The following TSLP variants were observed in gnomAD, a reference collection of about 807,000 sequenced individuals.
TSLP encodes thymic stromal lymphopoietin.
TSLP carries 12 observed loss-of-function variants against 12.4 expected under a neutral mutation model. That is an observed-to-expected ratio of 0.97 (90% CI 0.62 to 1.57). TSLP has a LOEUF of 1.57. Ranked by LOEUF, TSLP falls within the 40% of genes most tolerant of loss-of-function variation. The pLI is 0.00. For missense variants in TSLP, 222 were observed against 189.6 expected, an observed-to-expected ratio of 1.17 and a Z score of -1.00; for synonymous variants, 97 against 69.5, an observed-to-expected ratio of 1.40 and a Z score of -1.97.
chr5:111,076,824 A>G lies in TSLP; in HGVS notation c.*750A>G, dbSNP rs1339858812. 2 of 152,210 alleles carry G rather than the reference A, an allele frequency of 1.3e-5. No homozygotes were observed. Among genetic ancestry groups the G allele is most frequent in the African/African-American group, 4.8e-5 (2 of 41,448 alleles). The allele number at this position is 152,210 out of a possible 1,614,324, so 9.4% of individuals were successfully genotyped here. ...TATGAATCATCTCTCAAATCTAGTT[A>G]GACAATTTGCACACATACTTTTCTA... On this transcript the variant is annotated 3_prime_UTR_variant, in exon 4 of 4. Transcript: ENST00000344895.
intron 2 of TSLP, 122 bp from the exon 3 acceptor site, chr5:111,073,389 C>T (rs1001220324): frequency 1.5e-5 from 24 of 1,551,372 alleles, no homozygotes; most frequent in Non-Finnish European, 3.5e-6. Flanking sequence ...CTCTCTGACT[C>T]TCGACTTGTG....
Position 111,073,610 on chromosome 5 carries a change from T to C in TSLP, c.316T>C (p.Leu106=). 1 of 1,614,220 alleles carries C rather than the reference T, an allele frequency of 6.2e-7. No individual in the cohort carries two copies. Among genetic ancestry groups the C allele is most frequent in the South Asian group, 1.1e-5 (1 of 91,086 alleles). ...GTTCGCCATGAAAACTAAGGCTGCC[T>C]TAGCTATCTGGTGCCCAGGCTATTC... ...EMFAMKTKAA[L]AIWCPGYSET... Residue 106 remains leucine, a synonymous_variant, in exon 3 of 4, where the codon TTA becomes CTA. Transcript: ENST00000344895.
At chr5:111,071,404 C>G, upstream of TSLP, 4 of 1,489,072 alleles carry the variant, frequency 2.7e-6, no homozygotes, top group South Asian at 5.4e-5. Flanking sequence ...GGTGTTTCTC[C>G]CAAATAGAAA....
intron 1 of TSLP, among the ~76,000 whole-genome samples, chr5:111,072,288 TAGAC>T (rs1157918033): frequency 3.3e-5 from 5 of 152,194 alleles, no homozygotes; most frequent in South Asian, 2.1e-4. Context: ...CAGGTATTGA[TAGAC>T]AGCGCGTTAT....
chr5:111,073,299 C>A (rs1254781606), intron 2 of TSLP: 3 of 1,421,794 alleles, frequency 2.1e-6, no homozygotes, highest in Admixed American at 3.1e-5. Flanking sequence ...CTTTTCGCGA[C>A]GAGTGCCCTC....
At chr5:111,075,892 A>G in intron 3 of TSLP, 54 bp from the exon 4 acceptor site, 2 of 1,584,104 alleles carry the variant, frequency 1.3e-6, no homozygotes, top group South Asian at 2.3e-5. Context: ...TGCTCTCAAC[A>G]GTTACTAAAG....
At chr5:111,071,398 T>C (rs1035440556), upstream of TSLP, 11 of 1,480,790 alleles carry the variant, frequency 7.4e-6, no homozygotes, top group Middle Eastern at 1.8e-4. Context: ...TCAGAAGGTG[T>C]TTCTCCCAAA....
upstream of TSLP, chr5:111,071,108 A>G (rs958563292): frequency 1.2e-4 from 26 of 222,268 alleles, no homozygotes; most frequent in Non-Finnish European, 1.9e-4. Flanking sequence ...GTTTTTGAGA[A>G]CAAGCCACAT....
chr5:111,071,909 C>G lies in TSLP; in HGVS notation c.19C>G (p.Leu7Val). 1 of 1,614,162 alleles carries G rather than the reference C, an allele frequency of 6.2e-7. No individual in the cohort carries two copies. Among genetic ancestry groups the G allele is most frequent in the Non-Finnish European group, 8.5e-7 (1 of 1,179,988 alleles). MFPFALLYVLSVSFRKI... is the reference protein window; with the variant it reads MFPFALVYVLSVSFRKI... ...TCCACGTATGTTCCCTTTTGCCTTACTATATGTTCTGTCAGTTTCTTTCAG... is the reference window on the plus strand; with the variant it reads ...TCCACGTATGTTCCCTTTTGCCTTAGTATATGTTCTGTCAGTTTCTTTCAG... The change falls in exon 1 of 4, where the codon CTA (leucine) becomes GTA (valine). Residue 7 changes from leucine (L) to valine (V), a missense_variant. Physicochemically the swap from Leu to Val is conservative, Grantham distance 32. Transcript: ENST00000344895.
chr5:111,070,677 C>G (rs1752319449), upstream of TSLP: 1 of 152,348 alleles, frequency 6.6e-6, no homozygotes, highest in Non-Finnish European at 1.5e-5. Context: ...TTTTCTGGAT[C>G]AACAAGAGTT....
Position 111,075,843 on chromosome 5 carries a change from C to A in TSLP, c.352-103C>A. On this transcript the variant is annotated intron_variant, in intron 3 of 3. Transcript: ENST00000344895. Reference sequence around the variant, plus strand: ...ATAGTAAGCAGGTGCTTTGGAGACACACTGAAAGATGGATTTGCATAGAGA... The same window carrying A: ...ATAGTAAGCAGGTGCTTTGGAGACAAACTGAAAGATGGATTTGCATAGAGA... The A allele has an allele frequency of 6.6e-6, 8 of 1,214,876 alleles. No individual in the cohort carries two copies. The South Asian group carries it at 8.6e-5, about 13-fold the overall frequency. The allele number at this position is 1,214,876 out of a possible 1,614,324, so 75.3% of individuals were successfully genotyped here.
chr5:111,071,483 T>A, upstream of TSLP: 1 of 1,547,842 alleles, frequency 6.5e-7, no homozygotes, highest in Non-Finnish European at 8.7e-7. Context: ...CATTCACACT[T>A]ATGAAGTGTT....
Position 111,077,573 on chromosome 5 carries a change from A to G in TSLP, c.*1499A>G, listed in dbSNP as rs960954698. ...TATTGTAAGAGAAATTTCTTTGTCT[A>G]TTAACTCCATTTTAGTAGGGATTCA... is the stretch of plus-strand genomic sequence containing the variant. On this transcript the variant is annotated 3_prime_UTR_variant, in exon 4 of 4. Transcript: ENST00000344895. The G allele has an allele frequency of 6.6e-6, 1 of 152,602 alleles. No individual in the cohort carries two copies. The highest frequency in any genetic ancestry group is 1.5e-5 in the Non-Finnish European group (1 of 68,042). 9.5% of individuals were successfully genotyped at this position (152,602 alleles called of 1,614,324 possible).
intron 3 of TSLP, 66 bp downstream of exon 3, chr5:111,073,711 G>C: frequency 6.6e-7 from 1 of 1,508,426 alleles, no homozygotes; most frequent in Non-Finnish European, 9.0e-7. Context: ...TGGGGCTTTG[G>C]TGCAGAAGTC....
upstream of TSLP, chr5:111,071,468 A>C: frequency 6.5e-7 from 1 of 1,539,220 alleles, no homozygotes; most frequent in Non-Finnish European, 8.7e-7. Context: ...CCGTTTCTTA[A>C]AGGACATTCA....
intron 3 of TSLP, among the ~76,000 whole-genome samples, chr5:111,074,432 A>G (rs1752434928): frequency 6.6e-6 from 1 of 152,188 alleles, no homozygotes; most frequent in East Asian, 1.9e-4. Flanking sequence ...TAGTCAACAC[A>G]TGTAAATGCA....
chr5:111,071,225 A>T (rs186519906), upstream of TSLP: 1,115 of 427,840 alleles, frequency 2.6e-3, 5 homozygotes, highest in Non-Finnish European at 2.5e-3. Context: ...GAAGACTGAG[A>T]CTGCACCCCA....
chr5:111,071,408 A>G (rs1344489865), upstream of TSLP: 2 of 1,495,088 alleles, frequency 1.3e-6, no homozygotes, highest in Non-Finnish European at 8.9e-7. Context: ...TTTCTCCCAA[A>G]TAGAAAGGAT....
At position 111,071,795 on chromosome 5, in the gene TSLP, C is replaced by T; in HGVS notation, c.-96C>T. On this transcript the variant is annotated 5_prime_UTR_variant, in exon 1 of 4. Coordinates refer to ENST00000344895, the MANE Select transcript of TSLP (RefSeq NM_033035.5). Reference sequence around the variant, plus strand: ...TGGCAATGAGAGGCAAAACCTGGTGCTTGAGCACTGGCCCCTAAGGCAGGC... The same window carrying T: ...TGGCAATGAGAGGCAAAACCTGGTGTTTGAGCACTGGCCCCTAAGGCAGGC... The T allele has an allele frequency of 6.8e-7, 1 of 1,463,008 alleles. No individual in the cohort carries two copies. Among genetic ancestry groups the T allele is most frequent in the Non-Finnish European group, 9.3e-7 (1 of 1,073,688 alleles). The allele number at this position is 1,463,008 out of a possible 1,614,324, so 90.6% of individuals were successfully genotyped here.
Sources: allele counts gnomAD v4.1 joint callset (sites outside exome capture counted in the v4.1 genomes callset), GRCh38; gene constraint gnomAD v4.1.1; transcripts MANE v1.5; gene names NCBI Gene and HGNC (gene_info 2026-07-23, HGNC 2026-07-21).